The following CCDC6 variants were observed in gnomAD, a reference collection of about 807,000 sequenced individuals.
CCDC6 encodes coiled-coil domain containing 6.
CCDC6 carries 20 observed loss-of-function variants against 56.6 expected under a neutral mutation model. The ratio of observed to expected loss-of-function variants is 0.35; its 90% CI spans 0.25 to 0.51. The LOEUF (loss-of-function observed/expected upper bound fraction) is 0.51, where lower values mean the gene tolerates loss of function less well. Among genes scored for constraint, CCDC6 ranks in the 20% least tolerant of loss-of-function variants. The pLI is 0.95. For synonymous variants in CCDC6, 241 were observed against 234.4 expected, an observed-to-expected ratio of 1.03 and a Z score of -0.26; for missense variants, 367 against 601.1, an observed-to-expected ratio of 0.61 and a Z score of 4.07.
intron 1 of CCDC6, among the ~76,000 whole-genome samples, chr10:59,863,925 C>T (rs949617570): frequency 3.3e-5 from 5 of 152,124 alleles, no homozygotes; most frequent in Non-Finnish European, 7.4e-5. Flanking sequence ...AGAAAAATAG[C>T]TAGCCCATCG....
chr10:59,851,093 A>G (rs2132655703), intron 2 of CCDC6, among the ~76,000 whole-genome samples: 1 of 142,828 alleles, frequency 7.0e-6, no homozygotes. Context: ...CCTATAATGT[A>G]CTTTGGTTAA....
chr10:59,843,680 G>C (rs111455048), intron 2 of CCDC6, among the ~76,000 whole-genome samples: 2 of 152,198 alleles, frequency 1.3e-5, no homozygotes, highest in African/African-American at 4.8e-5. Context: ...AGCAGGAGAA[G>C]CTTGTAGCCT....
At chr10:59,869,407 A>C (rs1219849306) in intron 1 of CCDC6, among the ~76,000 whole-genome samples, 2 of 96,230 alleles carry the variant, frequency 2.1e-5, no homozygotes, top group African/African-American at 8.4e-5. Context: ...AAAAAAAAAA[A>C]AAAAAAAAAA....
chr10:59,796,786 T>G (rs2070523257), intron 7 of CCDC6, among the ~76,000 whole-genome samples: 1 of 151,926 alleles, frequency 6.6e-6, no homozygotes, highest in African/African-American at 2.4e-5. Flanking sequence ...GCTAACATGG[T>G]GAAACCCCGT....
Position 59,824,290 on chromosome 10 carries a change from C to T in CCDC6, c.582+8235G>A, listed in dbSNP as rs2070769173. 2.0e-5 allele frequency among the ~76,000 whole-genome samples: 3 copies of T among 152,170 alleles called. No homozygotes were observed. The South Asian group carries it at 6.2e-4, about 32-fold the overall frequency. The stretch of plus-strand genomic sequence containing the variant: ...TCTGGAGTTGGCACCCCTAAGTTGG[C>T]TTCATCACATCCCAAAAAATGGATT... On this transcript the variant is annotated intron_variant, in intron 3 of 8. Transcript: ENST00000263102.
At chr10:59,849,854 C>T (rs946011040) in intron 2 of CCDC6, among the ~76,000 whole-genome samples, 1 of 152,154 alleles carries the variant, frequency 6.6e-6, no homozygotes, top group Admixed American at 6.5e-5. Flanking sequence ...CAAGAATCTT[C>T]CAGATGGAAA....
intron 2 of CCDC6, among the ~76,000 whole-genome samples, chr10:59,834,917 C>T (rs2070868631): frequency 6.6e-6 from 1 of 152,228 alleles, no homozygotes; most frequent in South Asian, 2.1e-4. Context: ...GCATGTTCAT[C>T]TGCGCCTAAG....
chr10:59,869,830 C>T lies in CCDC6; in HGVS notation c.304-17128G>A, dbSNP rs539212804. Among the ~76,000 whole-genome samples, 5 of 152,294 alleles carry T rather than the reference C, an allele frequency of 3.3e-5. No individual in the cohort carries two copies. In the East Asian group the frequency reaches 9.6e-4, roughly 29 times the overall value. ...GGCCCTCCCGTGGTCCAGCCTCTGCCTGCCTCTTGCCCCGACACCCACGAC... is the reference window on the plus strand; with the variant it reads ...GGCCCTCCCGTGGTCCAGCCTCTGCTTGCCTCTTGCCCCGACACCCACGAC... On this transcript the variant is annotated intron_variant, in intron 1 of 8. Transcript: ENST00000263102.
intron 1 of CCDC6, among the ~76,000 whole-genome samples, chr10:59,872,979 G>A (rs1429599754): frequency 1.3e-5 from 2 of 152,138 alleles, no homozygotes; most frequent in Admixed American, 6.5e-5. Flanking sequence ...CCAAACAACT[G>A]CGTTCACTTG....
chr10:59,880,516 C>G (rs1462933216), intron 1 of CCDC6, among the ~76,000 whole-genome samples: 1 of 152,108 alleles, frequency 6.6e-6, no homozygotes, highest in Non-Finnish European at 1.5e-5. Context: ...GGATAATGGC[C>G]GGAAGGGGGC....
chr10:59,898,568 A>G (rs2132687169), intron 1 of CCDC6, among the ~76,000 whole-genome samples: 1 of 152,280 alleles, frequency 6.6e-6, no homozygotes, highest in South Asian at 2.1e-4. Flanking sequence ...CACAATCCCC[A>G]AGGCTGGAGA....
intron 2 of CCDC6, among the ~76,000 whole-genome samples, chr10:59,847,057 A>ATT (rs11415063): frequency 0.019 from 2,874 of 149,458 alleles, 32 homozygotes; most frequent in Middle Eastern, 0.042. Flanking sequence ...GAATTAGAAA[A>ATT]TTTTTTTTTT....
chr10:59,889,742 T>G (rs2071407966), intron 1 of CCDC6, among the ~76,000 whole-genome samples: 1 of 152,134 alleles, frequency 6.6e-6, no homozygotes, highest in Admixed American at 6.5e-5. Context: ...TTTCTCCCCT[T>G]TCTCCAACTT....
At position 59,806,802 on chromosome 10, in the gene CCDC6, C is replaced by T. The variant is rs1454040382; in HGVS notation, c.1004+120G>A. The T allele has an allele frequency of 6.4e-6, 5 of 785,040 alleles. No individual in the cohort carries two copies. The East Asian group carries it at 1.0e-4, about 16-fold the overall frequency. The allele number at this position is 785,040 out of a possible 1,614,324, so 48.6% of individuals were successfully genotyped here. On this transcript the variant is annotated intron_variant, in intron 6 of 8. Coordinates refer to ENST00000263102, the MANE Select transcript of CCDC6 (RefSeq NM_005436.5). ...ACTATAACGCAGTGGCATTCATTAGCACAATAAATACATATTTAAGCCATC... is the reference window on the plus strand; with the variant it reads ...ACTATAACGCAGTGGCATTCATTAGTACAATAAATACATATTTAAGCCATC...
chr10:59,792,986 C>T lies in CCDC6; in HGVS notation c.1356G>A (p.Thr452=), dbSNP rs1183314170. The T allele has an allele frequency of 3.1e-6, 5 of 1,612,688 alleles. No homozygotes were observed. Among genetic ancestry groups the T allele is most frequent in the African/African-American group, 2.7e-5 (2 of 74,892 alleles). ...GCTGCGAGGTGGCTGCTGAGGGGAC[C>T]GTGGGCTGCATGGGTGGCGGAGGTG... ...PPPPPPPMQP[T]VPSAATSQPT... The change falls in exon 9 of 9, where the codon ACG becomes ACA. Residue 452 remains threonine, a synonymous_variant. Coordinates refer to ENST00000263102, the MANE Select transcript of CCDC6 (RefSeq NM_005436.5).
chr10:59,792,307 C>T lies in CCDC6; in HGVS notation c.*610G>A, dbSNP rs1024431752. 3.9e-5 allele frequency: 14 copies of T among 359,110 alleles called. No homozygotes were observed. Among genetic ancestry groups the T allele is most frequent in the Non-Finnish European group, 6.2e-5 (12 of 192,114 alleles). The allele number at this position is 359,110 out of a possible 1,614,324, so 22.2% of individuals were successfully genotyped here. Reference sequence around the variant, plus strand: ...TCATTACTTTGGGCCATCTGTTTTACGAGAGACATGGATGTCAATAACACA... The same window carrying T: ...TCATTACTTTGGGCCATCTGTTTTATGAGAGACATGGATGTCAATAACACA... On this transcript the variant is annotated 3_prime_UTR_variant, in exon 9 of 9. Coordinates refer to ENST00000263102, the MANE Select transcript of CCDC6 (RefSeq NM_005436.5).
At chr10:59,837,618 T>C (rs1039555303) in intron 2 of CCDC6, among the ~76,000 whole-genome samples, 5 of 151,740 alleles carry the variant, frequency 3.3e-5, no homozygotes, top group African/African-American at 1.2e-4. Flanking sequence ...TGGTGGCATG[T>C]GCCTGTAGTC....
intron 1 of CCDC6, among the ~76,000 whole-genome samples, chr10:59,865,208 G>A (rs548720791): frequency 6.6e-5 from 10 of 152,266 alleles, no homozygotes; most frequent in Admixed American, 2.6e-4. Flanking sequence ...CCTGAAGACC[G>A]GGATATAACA....
At chr10:59,890,418 C>T (rs759692758) in intron 1 of CCDC6, among the ~76,000 whole-genome samples, 2 of 152,096 alleles carry the variant, frequency 1.3e-5, no homozygotes, top group Non-Finnish European at 2.9e-5. Flanking sequence ...GGGGATGCTG[C>T]GTCGGCTTCT....
Sources: allele counts gnomAD v4.1 joint callset (sites outside exome capture counted in the v4.1 genomes callset), GRCh38; gene constraint gnomAD v4.1.1; transcripts MANE v1.5; gene names NCBI Gene and HGNC (gene_info 2026-07-23, HGNC 2026-07-21).